The following TOGARAM2 variants were observed in gnomAD, a reference collection of about 807,000 sequenced individuals.
The protein encoded by TOGARAM2 is TOG array regulator of axonemal microtubules 2.
Under a neutral mutation model 93.3 loss-of-function variants are expected in TOGARAM2, and 85 were observed. The observed-to-expected ratio is 0.91, with a 90% CI of 0.76 to 1.09. The LOEUF (loss-of-function observed/expected upper bound fraction) is 1.09, where lower values mean the gene tolerates loss of function less well. TOGARAM2 is among the 50% of genes least tolerant of loss of function. The pLI is 0.00. For synonymous variants in TOGARAM2, 593 were observed against 552.8 expected (o/e 1.07, Z -1.02); for missense variants, 1,277 against 1,334.5 (o/e 0.96, Z 0.67).
chr2:29,011,736 G>C (rs868251317), intron 7 of TOGARAM2, among the ~76,000 whole-genome samples: 72 of 152,332 alleles, frequency 4.7e-4, no homozygotes, highest in African/African-American at 1.7e-3. Flanking sequence ...CGTCAGGTGT[G>C]ATGACGTACA....
intron 14 of TOGARAM2, among the ~76,000 whole-genome samples, chr2:29,031,924 C>A (rs780048877): frequency 1.3e-5 from 2 of 152,212 alleles, no homozygotes; most frequent in African/African-American, 4.8e-5. Flanking sequence ...CTTCCTGCTT[C>A]ACTTCCCACC....
chr2:29,006,843 C>T (rs987960383), intron 6 of TOGARAM2, among the ~76,000 whole-genome samples: 7 of 152,180 alleles, frequency 4.6e-5, no homozygotes, highest in African/African-American at 1.7e-4. Context: ...CACTCAGACG[C>T]TGGCCTCTTC....
In TOGARAM2 at chr2:29,017,159, A is replaced by G. The variant is rs767765261; in HGVS notation, c.1050A>G (p.Gln350=). 1.1e-5 allele frequency: 18 copies of G among 1,612,736 alleles called. No individual in the cohort carries two copies. Among genetic ancestry groups the G allele is most frequent in the Non-Finnish European group, 1.4e-5 (17 of 1,179,466 alleles). The change falls in exon 9 of 20, where the codon CAA becomes CAG. Residue 350 remains glutamine, a synonymous_variant. Coordinates refer to ENST00000379558, the MANE Select transcript of TOGARAM2 (RefSeq NM_199280.4). ...TTGCCTTGACCTTGTGCCAGATCCA[A>G]GTCACCATCTCCAAGTCTGCCCGGG... The part of the protein sequence containing the change: ...EDQKEIGTKI[Q]VTISKSAREK...
chr2:29,018,058 C>T, intron 10 of TOGARAM2, 102 bp downstream of exon 10: 4 of 1,348,568 alleles, frequency 3.0e-6, no homozygotes, highest in Non-Finnish European at 3.0e-6. Flanking sequence ...TGCTTCCGCC[C>T]CTTGTCCATG....
chr2:29,003,477 C>T lies in TOGARAM2; in HGVS notation c.640-15C>T, dbSNP rs757049186. On this transcript the variant is annotated splice_polypyrimidine_tract_variant and intron_variant, in intron 5 of 19. Transcript: ENST00000379558. Reference sequence around the variant, plus strand: ...GTTGCCATAGGCCAGACCCCTGTCCCGCCTCTGCTCCCAGGCGCAGATCTC... The same window carrying T: ...GTTGCCATAGGCCAGACCCCTGTCCTGCCTCTGCTCCCAGGCGCAGATCTC... 86 of 1,485,804 alleles carry T rather than the reference C, an allele frequency of 5.8e-5. No individual in the cohort carries two copies. The highest frequency in any genetic ancestry group is 7.1e-5 in the Non-Finnish European group (79 of 1,113,314). The allele number at this position is 1,485,804 out of a possible 1,614,324, so 92.0% of individuals were successfully genotyped here.
At chr2:29,051,055 TGGCATCC>T (rs1403833709) in intron 19 of TOGARAM2, 1 of 152,324 alleles carries the variant, frequency 6.6e-6, no homozygotes, top group Non-Finnish European at 1.5e-5. Context: ...TCCTGAGGTT[TGGCATCC>T]GGGCACCGGG....
intron 6 of TOGARAM2, among the ~76,000 whole-genome samples, chr2:29,004,781 AGTAT>A (rs1316263044): frequency 6.7e-6 from 1 of 148,280 alleles, no homozygotes; most frequent in Non-Finnish European, 1.5e-5. Flanking sequence ...TGAGTGCAAG[AGTAT>A]GTGTCTGAGT....
chr2:29,049,592 C>T (rs1468578925), intron 19 of TOGARAM2: 2 of 152,274 alleles, frequency 1.3e-5, no homozygotes, highest in African/African-American at 4.8e-5. Flanking sequence ...CATCTCCCAC[C>T]CTGGGGCTGA....
chr2:29,037,026 AC>A (rs1016542792), intron 18 of TOGARAM2, among the ~76,000 whole-genome samples: 1 of 151,350 alleles, frequency 6.6e-6, no homozygotes, highest in African/African-American at 2.4e-5. Flanking sequence ...GAGGGAAATG[AC>A]CCCCCAGGGT....
chr2:29,012,050 G>C (rs1257981288), intron 7 of TOGARAM2, among the ~76,000 whole-genome samples: 1 of 152,236 alleles, frequency 6.6e-6, no homozygotes, highest in Non-Finnish European at 1.5e-5. Context: ...TATAGGGCCA[G>C]CACAGGATTG....
At chr2:29,004,939 T>TGTGCATGTGA (rs1673563599) in intron 6 of TOGARAM2, among the ~76,000 whole-genome samples, 1 of 106,752 alleles carries the variant, frequency 9.4e-6, no homozygotes, top group African/African-American at 3.8e-5. Context: ...AGTGCATGTG[T>TGTGCATGTGA]GTGCATGTGT....
Position 29,018,290 on chromosome 2 carries a change from G to A in TOGARAM2, c.1360+334G>A, listed in dbSNP as rs1572717952. 11 of 267,700 alleles carry A rather than the reference G, an allele frequency of 4.1e-5. No individual in the cohort carries two copies. The East Asian group carries it at 4.7e-4, about 12-fold the overall frequency. 16.6% of individuals were successfully genotyped at this position (267,700 alleles called of 1,614,324 possible). On this transcript the variant is annotated intron_variant, in intron 10 of 19. Coordinates refer to ENST00000379558, the MANE Select transcript of TOGARAM2 (RefSeq NM_199280.4). Reference sequence around the variant, plus strand: ...GAAGCAGCTGTGAACAGCAGAAAGAGGATGAGAGGATTGGGGAAGACCTCG... The same window carrying A: ...GAAGCAGCTGTGAACAGCAGAAAGAAGATGAGAGGATTGGGGAAGACCTCG...
intron 1 of TOGARAM2, among the ~76,000 whole-genome samples, chr2:28,983,512 A>G (rs935053966): frequency 6.6e-6 from 1 of 151,906 alleles, no homozygotes; most frequent in African/African-American, 2.4e-5. Flanking sequence ...ATTGCTCTGT[A>G]ATATTCTATG....
At chr2:29,014,331 A>T in intron 7 of TOGARAM2, 64 bp from the exon 8 acceptor site, 1 of 1,549,432 alleles carries the variant, frequency 6.5e-7, no homozygotes. Context: ...AGCCAGCCAC[A>T]GGGTCAGTGA....
chr2:29,034,420 G>A lies in TOGARAM2; in HGVS notation c.2225+857G>A, dbSNP rs182422307. Among the ~76,000 whole-genome samples the A allele has an allele frequency of 5.3e-5, 8 of 152,356 alleles. No individual in the cohort carries two copies. The East Asian group carries it at 1.5e-3, about 29-fold the overall frequency. On this transcript the variant is annotated intron_variant, in intron 16 of 19. Coordinates refer to ENST00000379558, the MANE Select transcript of TOGARAM2 (RefSeq NM_199280.4). Reference sequence around the variant, plus strand: ...TGTTCTTCATACCTCTGTCAGCCCCGTTGATGTATCTATCTTCCCTTGGTC... The same window carrying A: ...TGTTCTTCATACCTCTGTCAGCCCCATTGATGTATCTATCTTCCCTTGGTC...
At chr2:29,044,672 G>T (rs1392680877) in intron 18 of TOGARAM2, among the ~76,000 whole-genome samples, 1 of 151,966 alleles carries the variant, frequency 6.6e-6, no homozygotes, top group Non-Finnish European at 1.5e-5. Flanking sequence ...TCTTGAGGGG[G>T]ATGGGAGTAC....
chr2:29,016,378 C>A (rs147572491), intron 8 of TOGARAM2, among the ~76,000 whole-genome samples: 1 of 152,130 alleles, frequency 6.6e-6, no homozygotes, highest in African/African-American at 2.4e-5. Flanking sequence ...AGACCCTTCC[C>A]GTGCAGCAGC....
chr2:29,035,193 T>A (rs1364235854), intron 16 of TOGARAM2, among the ~76,000 whole-genome samples: 1 of 150,392 alleles, frequency 6.6e-6, no homozygotes, highest in Non-Finnish European at 1.5e-5. Context: ...CATTCTTTTG[T>A]GGATAGCCAC....
At chr2:29,010,373 G>A (rs1664166588) in intron 6 of TOGARAM2, among the ~76,000 whole-genome samples, 1 of 152,194 alleles carries the variant, frequency 6.6e-6, no homozygotes, top group Admixed American at 6.5e-5. Flanking sequence ...ATCCCTCCCT[G>A]TGGGTCCAGA....
Sources: allele counts gnomAD v4.1 joint callset (sites outside exome capture counted in the v4.1 genomes callset), GRCh38; gene constraint gnomAD v4.1.1; transcripts MANE v1.5; gene names NCBI Gene and HGNC (gene_info 2026-07-23, HGNC 2026-07-21).